Variants in TTC34 observed in about 807,000 individuals in gnomAD.
TTC34 encodes tetratricopeptide repeat domain 34.
Under a neutral mutation model 40.7 loss-of-function variants are expected in TTC34, and 44 were observed. The observed-to-expected ratio is 1.08, with a 90% confidence interval of 0.85 to 1.39. TTC34 has a LOEUF of 1.39. Among genes scored for constraint, TTC34 ranks in the 40% most tolerant of loss-of-function variants. TTC34 has a pLI of 0.00. For synonymous variants in TTC34, 422 were observed against 398.6 expected (o/e 1.06, Z -0.70); for missense variants, 884 against 838.0 (o/e 1.05, Z -0.68).
chr1:2,643,118 G>A (rs996834838), intron 8 of TTC34, among the ~76,000 whole-genome samples: 1 of 152,146 alleles, frequency 6.6e-6, no homozygotes, highest in African/African-American at 2.4e-5. Context: ...GTCGGACCCC[G>A]GGAGCCCCCA....
At chr1:2,641,988 C>G in intron 8 of TTC34, 93 bp from the exon 9 acceptor site, 3 of 1,311,218 alleles carry the variant, frequency 2.3e-6, no homozygotes, top group Non-Finnish European at 3.0e-6. Context: ...GCACAGCCAG[C>G]TTCTGCTGGC....
chr1:2,654,187 A>T (rs1307876904), intron 6 of TTC34, among the ~76,000 whole-genome samples: 44 of 149,040 alleles, frequency 3.0e-4, no homozygotes, highest in South Asian at 8.6e-4. Context: ...CGAGCATCCG[A>T]CAGCCTGGAG....
In TTC34 at chr1:2,645,674, TG is replaced by T. The variant is rs1460662487; in HGVS notation, c.2227-112del. The T allele has an allele frequency of 1.6e-6, 2 of 1,228,642 alleles. No individual in the cohort carries two copies. Among genetic ancestry groups the T allele is most frequent in the Non-Finnish European group, 2.1e-6 (2 of 931,252 alleles). The allele number at this position is 1,228,642 out of a possible 1,614,324, so 76.1% of individuals were successfully genotyped here. Reference sequence around the variant, plus strand: ...CTTTCTCATTCCCTGATCTTCTCCCTGGGGTCCTAGAGGGTCTGAACACCCA... The same window carrying T: ...CTTTCTCATTCCCTGATCTTCTCCCTGGGTCCTAGAGGGTCTGAACACCCA... On this transcript the variant is annotated intron_variant, in intron 6 of 8. Coordinates refer to ENST00000401095, the Ensembl canonical transcript of TTC34. This position sits in a 1 kb window ranked among gnomAD's most constrained non-coding sequence, Gnocchi z 4.7.
chr1:2,685,784 G>A (rs1489813838), intron 6 of TTC34, among the ~76,000 whole-genome samples: 1 of 148,542 alleles, frequency 6.7e-6, no homozygotes, highest in Non-Finnish European at 1.5e-5. Context: ...TGACAGCCTG[G>A]AACAGAACCC....
intron 6 of TTC34, among the ~76,000 whole-genome samples, chr1:2,773,345 T>C (rs1216662414): frequency 1.7e-5 from 1 of 59,400 alleles, no homozygotes. Context: ...CACCCCCAGG[T>C]GAGCATCTGG....
rs532011832 is a variant in TTC34, at chr1:2,769,691, A to T, written c.2226+13918T>A. 5.6e-3 allele frequency among the ~76,000 whole-genome samples: 701 copies of T among 124,770 alleles called. 18 individuals are homozygous for T. The highest frequency in any genetic ancestry group is 0.021 in the African/African-American group (649 of 30,328). The allele number at this position is 124,770 out of a possible 152,430, so 81.9% of individuals were successfully genotyped here. A position where few individuals can be genotyped will look rare whatever the true frequency, so the allele number is the denominator to read the frequency against. ...CTACACCCCCAGGGGAGCATCTGAC[A>T]GTCTGGAGCAGCACCCACACCCCCA... On this transcript the variant is annotated intron_variant, in intron 6 of 8. Coordinates refer to ENST00000401095, the Ensembl canonical transcript of TTC34.
intron 6 of TTC34, among the ~76,000 whole-genome samples, chr1:2,683,633 C>A (rs1190634483): frequency 2.3e-4 from 34 of 147,390 alleles, no homozygotes; most frequent in African/African-American, 5.2e-4. Context: ...GCACCCACAC[C>A]CCCAGGTGAG....
At chr1:2,758,403 T>C (rs1188276441) in intron 6 of TTC34, among the ~76,000 whole-genome samples, 2 of 80,346 alleles carry the variant, frequency 2.5e-5, no homozygotes, top group Non-Finnish European at 4.4e-5. Context: ...TACGCCCAGA[T>C]GAGCATCTGA....
At chr1:2,687,818 C>G (rs74585128) in intron 6 of TTC34, among the ~76,000 whole-genome samples, 1 of 131,146 alleles carries the variant, frequency 7.6e-6, no homozygotes, top group Non-Finnish European at 1.7e-5. Context: ...TCCAGGTGAG[C>G]ATCTGATGGT....
exon 4 of TTC34, chr1:2,787,483 G>C: frequency 6.7e-7 from 1 of 1,482,232 alleles, no homozygotes; most frequent in South Asian, 1.3e-5. Context: ...CTCCTCACCT[G>C]GTTGGCGTCA....
intron 6 of TTC34, among the ~76,000 whole-genome samples, chr1:2,683,470 C>T (rs202231322): frequency 1.4e-5 from 2 of 143,720 alleles, no homozygotes; most frequent in Non-Finnish European, 1.5e-5. Flanking sequence ...GCAGCACCCA[C>T]ACCACCAGGC....
At chr1:2,677,768 A>G (rs1379450038) in intron 6 of TTC34, among the ~76,000 whole-genome samples, 13 of 82,984 alleles carry the variant, frequency 1.6e-4, no homozygotes, top group Admixed American at 5.7e-4. Flanking sequence ...AACAGCACCC[A>G]CACCCCCAGG....
chr1:2,780,380 A>G (rs1643462851), intron 6 of TTC34, among the ~76,000 whole-genome samples: 1 of 152,186 alleles, frequency 6.6e-6, no homozygotes, highest in South Asian at 2.1e-4. Flanking sequence ...AGTGTCGTGA[A>G]GCTTCTCCCC....
chr1:2,652,449 A>T (rs1307056137), intron 6 of TTC34, among the ~76,000 whole-genome samples: 4 of 152,088 alleles, frequency 2.6e-5, no homozygotes, highest in Admixed American at 6.5e-5. Flanking sequence ...CCACACCCCC[A>T]GGTGAGCATC....
rs1271283417 is a variant in TTC34 at position 2,684,987 on chromosome 1, A to G, written c.2227-39424T>C. Among the ~76,000 whole-genome samples, 21 of 143,780 alleles carry G rather than the reference A, an allele frequency of 1.5e-4. 2 individuals carry two copies. The highest frequency in any genetic ancestry group is 5.8e-4 in the African/African-American group (21 of 35,994). The allele number at this position is 143,780 out of a possible 152,430, so 94.3% of individuals were successfully genotyped here. On this transcript the variant is annotated intron_variant, in intron 6 of 8. Transcript: ENST00000401095. The stretch of plus-strand genomic sequence containing the variant: ...AGACGAGCATCTGACAGCTTAGAAC[A>G]GCACCCATACCCCCAGGCGAGCATC...
chr1:2,691,103 T>C (rs372603669), intron 6 of TTC34, among the ~76,000 whole-genome samples: 52 of 39,030 alleles, frequency 1.3e-3, no homozygotes, highest in African/African-American at 1.7e-3. Context: ...ACCCACACCT[T>C]CAGGTGAGCA....
chr1:2,645,206 C>T lies in TTC34; in HGVS notation c.2497+87G>A, dbSNP rs1251563247. 4 of 1,349,800 alleles carry T rather than the reference C, an allele frequency of 3.0e-6. No homozygotes were observed. The African/African-American group carries it at 6.0e-5, about 20-fold the overall frequency. The allele number at this position is 1,349,800 out of a possible 1,614,324, so 83.6% of individuals were successfully genotyped here. On this transcript the variant is annotated intron_variant, in intron 7 of 8. Transcript: ENST00000401095. The surrounding 1 kb of genome is among the most constrained non-coding windows in gnomAD (Gnocchi z 4.7). ...CTGTTGTGGTCCGGGTCTCTTTCTT[C>T]CATTTTTACAGAACAGGATACAGAG...
intron 6 of TTC34, among the ~76,000 whole-genome samples, chr1:2,695,871 C>T (rs1164866089): frequency 3.5e-4 from 53 of 149,474 alleles, no homozygotes; most frequent in African/African-American, 1.2e-3. Flanking sequence ...GAGCAGAACC[C>T]ACACCCCGAG....
intron 6 of TTC34, chr1:2,775,633 A>C (rs1178222033): frequency 6.7e-6 from 1 of 149,022 alleles, no homozygotes; most frequent in Non-Finnish European, 1.5e-5. Context: ...ACATCCCCTC[A>C]GGTGAGCATC....
Sources: allele counts gnomAD v4.1 joint callset (sites outside exome capture counted in the v4.1 genomes callset), GRCh38; gene constraint gnomAD v4.1.1; non-coding constraint Gnocchi (gnomAD v3.1); transcripts MANE v1.5; gene names NCBI Gene and HGNC (gene_info 2026-07-23, HGNC 2026-07-21).